FAM149B1: variants seen among roughly 807,000 people sequenced by gnomAD.
FAM149B1 encodes the protein family with sequence similarity 149 member B1, also known as primary cilium assembly protein FAM149B1.
A neutral mutation model predicts 75.3 loss-of-function variants in FAM149B1; 56 were observed. That is an observed-to-expected ratio of 0.74 (90% CI 0.60 to 0.93). FAM149B1 has a LOEUF of 0.93. Among genes scored for constraint, FAM149B1 ranks in the 40% least tolerant of loss-of-function variants. The pLI is 0.00. For synonymous variants in FAM149B1, 259 were observed against 256.1 expected (o/e 1.01, Z -0.11); for missense variants, 639 against 708.4 (o/e 0.90, Z 1.11).
intron 12 of FAM149B1, chr10:73,238,716 C>T (rs1026674778): frequency 1.1e-4 from 16 of 152,208 alleles, no homozygotes; most frequent in African/African-American, 3.9e-4. Flanking sequence ...GATTTCAGTG[C>T]TCTCTCAAGG....
intron 5 of FAM149B1, among the ~76,000 whole-genome samples, chr10:73,198,466 T>C (rs974674846): frequency 5.9e-5 from 9 of 152,192 alleles, no homozygotes; most frequent in Non-Finnish European, 1.2e-4. Context: ...GAGGAGTTTA[T>C]ATCCAGAATA....
At chr10:73,207,464 T>C (rs776209121) in intron 5 of FAM149B1, among the ~76,000 whole-genome samples, 6 of 151,888 alleles carry the variant, frequency 4.0e-5, no homozygotes, top group African/African-American at 7.3e-5. Flanking sequence ...TTCAGGAGGC[T>C]GAGGCAGGAG....
intron 3 of FAM149B1, among the ~76,000 whole-genome samples, chr10:73,179,788 G>T (rs2042353060): frequency 6.6e-6 from 1 of 151,864 alleles, no homozygotes; most frequent in Non-Finnish European, 1.5e-5. Flanking sequence ...ATAGTTGTAT[G>T]ATACATGTAC....
At chr10:73,209,122 T>A (rs528258304) in intron 6 of FAM149B1, among the ~76,000 whole-genome samples, 1 of 152,284 alleles carries the variant, frequency 6.6e-6, no homozygotes, top group Admixed American at 6.5e-5. Flanking sequence ...GTTGAAGAGA[T>A]ATGGACTTTG....
chr10:73,228,888 C>T (rs912173923), intron 8 of FAM149B1, among the ~76,000 whole-genome samples: 13 of 152,052 alleles, frequency 8.5e-5, no homozygotes, highest in Non-Finnish European at 1.3e-4. Flanking sequence ...GAGCCACCAC[C>T]GCACCTGGTC....
rs757399233 is a variant in FAM149B1 at position 73,243,870 on chromosome 10, G to A, written c.*2851G>A. The A allele has an allele frequency of 1.2e-5, 19 of 1,613,904 alleles. No homozygotes were observed. Among genetic ancestry groups the A allele is most frequent in the Admixed American group, 8.3e-5 (5 of 59,974 alleles). On this transcript the variant is annotated 3_prime_UTR_variant, in exon 14 of 14. Transcript: ENST00000242505. ...GAATGGCTGCCTTCAGGCTATCCAC[G>A]CCTTCATCAAGCCCCAACTCCTTTC...
At chr10:73,230,036 T>C (rs777232683) in intron 8 of FAM149B1, among the ~76,000 whole-genome samples, 4 of 152,228 alleles carry the variant, frequency 2.6e-5, no homozygotes, top group Non-Finnish European at 4.4e-5. Context: ...GATTGTGTGA[T>C]GATGAAAGAG....
chr10:73,243,283 G>A lies in FAM149B1; in HGVS notation c.*2264G>A. The A allele has an allele frequency of 8.6e-7, 1 of 1,163,920 alleles. No homozygotes were observed. Among genetic ancestry groups the A allele is most frequent in the Non-Finnish European group, 1.2e-6 (1 of 818,100 alleles). 72.1% of individuals were successfully genotyped at this position (1,163,920 alleles called of 1,614,324 possible). On this transcript the variant is annotated 3_prime_UTR_variant, in exon 14 of 14. Transcript: ENST00000242505. The stretch of plus-strand genomic sequence containing the variant: ...TGGTCTAGTCAATCTGAAAAATTCA[G>A]GCTGGAAAGACACCTTTTCTCAAGA...
chr10:73,178,432 T>C (rs1844065962), intron 3 of FAM149B1, among the ~76,000 whole-genome samples: 1 of 151,456 alleles, frequency 6.6e-6, no homozygotes, highest in African/African-American at 2.4e-5. Context: ...TGGAGGTTGC[T>C]GTGAGCCGAG....
intron 1 of FAM149B1, 131 bp downstream of exon 1, chr10:73,168,517 A>G: frequency 1.8e-6 from 2 of 1,113,944 alleles, no homozygotes; most frequent in South Asian, 1.6e-5. Context: ...CTCTCCTCTC[A>G]GCCCTGCTGG....
At chr10:73,170,025 TATTA>T (rs1213948286) in intron 1 of FAM149B1, among the ~76,000 whole-genome samples, 1 of 150,264 alleles carries the variant, frequency 6.7e-6, no homozygotes, top group Non-Finnish European at 1.5e-5. Flanking sequence ...TAACTATTAA[TATTA>T]ATTATTAACT....
At chr10:73,179,707 T>G (rs536309540) in intron 3 of FAM149B1, among the ~76,000 whole-genome samples, 1 of 152,218 alleles carries the variant, frequency 6.6e-6, no homozygotes, top group South Asian at 2.1e-4. Context: ...GCTTTTTTTT[T>G]AACAAAAAGC....
At chr10:73,203,916 C>T (rs1259401806) in intron 5 of FAM149B1, among the ~76,000 whole-genome samples, 1 of 152,064 alleles carries the variant, frequency 6.6e-6, no homozygotes, top group African/African-American at 2.4e-5. Context: ...GCAGAGATTA[C>T]AGGAATGAAC....
intron 3 of FAM149B1, chr10:73,183,434 C>T (rs1172103739): frequency 2.0e-5 from 3 of 152,124 alleles, no homozygotes; most frequent in Non-Finnish European, 4.4e-5. Flanking sequence ...ACAGTTCTCA[C>T]ACAGAGAAAG....
At chr10:73,174,378 C>A (rs1249693075) in intron 1 of FAM149B1, among the ~76,000 whole-genome samples, 2 of 152,040 alleles carry the variant, frequency 1.3e-5, no homozygotes, top group African/African-American at 2.4e-5. Flanking sequence ...GTGGTGATAT[C>A]TACTATATTT....
chr10:73,221,903 T>C (rs2043423928), intron 7 of FAM149B1, among the ~76,000 whole-genome samples: 1 of 152,214 alleles, frequency 6.6e-6, no homozygotes, highest in Non-Finnish European at 1.5e-5. Flanking sequence ...TCTTTTCTTC[T>C]ACAACGTTGA....
intron 1 of FAM149B1, 49 bp downstream of exon 1, chr10:73,168,435 T>C (rs766828271): frequency 1.3e-6 from 2 of 1,546,058 alleles, no homozygotes; most frequent in Non-Finnish European, 8.7e-7. Context: ...GCGGGCGCTC[T>C]GGGGACCCTC....
intron 5 of FAM149B1, among the ~76,000 whole-genome samples, chr10:73,207,623 A>C (rs1169966834): frequency 6.6e-6 from 1 of 152,156 alleles, no homozygotes; most frequent in Non-Finnish European, 1.5e-5. Context: ...AACTCCACCC[A>C]TGAGAGCAAC....
In FAM149B1 at chr10:73,227,965, A is replaced by C. The variant is rs772138115; in HGVS notation, c.899-95A>C. 50 of 1,264,624 alleles carry C rather than the reference A, an allele frequency of 4.0e-5. 1 individual carries two copies. The highest frequency in any genetic ancestry group is 5.2e-5 in the Non-Finnish European group (47 of 895,698). The allele number at this position is 1,264,624 out of a possible 1,614,324, so 78.3% of individuals were successfully genotyped here. ...GCAAAGATAAGTGAAGCCTTGTTTG[A>C]GATTATGAATTCTCAGGAGAGATCT... On this transcript the variant is annotated intron_variant, in intron 7 of 13. Coordinates refer to ENST00000242505, the MANE Select transcript of FAM149B1 (RefSeq NM_173348.2).
Sources: gnomAD v4.1 joint callset for allele counts (sites outside exome capture counted in the v4.1 genomes callset) on GRCh38, gnomAD v4.1.1 for gene constraint, MANE v1.5 for transcripts, NCBI Gene and HGNC (gene_info 2026-07-23, HGNC 2026-07-21) for gene names.